The following SCARB2 variants were observed in gnomAD, a reference collection of about 807,000 sequenced individuals.
SCARB2 encodes scavenger receptor class B member 2.
Under a neutral mutation model 58.6 loss-of-function variants are expected in SCARB2, and 29 were observed. That is an observed-to-expected ratio of 0.49 (90% CI 0.37 to 0.67). The LOEUF (loss-of-function observed/expected upper bound fraction) is 0.67. SCARB2 is among the 30% of genes least tolerant of loss of function. The pLI is 0.00. For synonymous variants in SCARB2, 195 were observed against 210.1 expected, an observed-to-expected ratio of 0.93 and a Z score of 0.62; for missense variants, 488 against 578.5, an observed-to-expected ratio of 0.84 and a Z score of 1.60.
At chr4:76,180,198 T>TC (rs1732351332) in intron 3 of SCARB2, 1 of 179,434 alleles carries the variant, frequency 5.6e-6, no homozygotes, top group Non-Finnish European at 1.2e-5. Flanking sequence ...TGTAGGTGAA[T>TC]TAGAATGTTT....
intron 2 of SCARB2, among the ~76,000 whole-genome samples, chr4:76,181,700 A>T (rs1002861657): frequency 1.3e-5 from 2 of 151,996 alleles, no homozygotes; most frequent in African/African-American, 4.8e-5. Flanking sequence ...AAGTAGCTAG[A>T]AGTACAGAAG....
intron 1 of SCARB2, among the ~76,000 whole-genome samples, chr4:76,204,628 A>T (rs1180649107): frequency 6.6e-6 from 1 of 152,172 alleles, no homozygotes; most frequent in East Asian, 1.9e-4. Context: ...ACCAGGTGAA[A>T]ATTGGGAGCG....
At chr4:76,223,295 G>A (rs1427925092) in intron 1 of SCARB2, among the ~76,000 whole-genome samples, 2 of 152,162 alleles carry the variant, frequency 1.3e-5, no homozygotes, top group African/African-American at 4.8e-5. Flanking sequence ...TTGGGAGACA[G>A]AATTGTCTCC....
intron 1 of SCARB2, among the ~76,000 whole-genome samples, chr4:76,219,388 G>A (rs1461185131): frequency 1.3e-5 from 2 of 152,204 alleles, no homozygotes; most frequent in Admixed American, 6.5e-5. Flanking sequence ...CTCACTTGAG[G>A]TACTTTGATG....
intron 7 of SCARB2, among the ~76,000 whole-genome samples, chr4:76,171,714 G>C (rs909496270): frequency 6.6e-6 from 1 of 152,028 alleles, no homozygotes; most frequent in Non-Finnish European, 1.5e-5. Flanking sequence ...ACCAGATGAG[G>C]GGGCAGGGAC....
Position 76,221,715 on chromosome 4 carries a change from C to G in SCARB2, c.-358+12588G>C, listed in dbSNP as rs1297140047. ...TAAAGAGCTAAGCATCAAACACACA[C>G]GGACACAAAGATGGGAACAATTGAC... On this transcript the variant is annotated intron_variant, in intron 1 of 11. Transcript: ENST00000638295. Among the ~76,000 whole-genome samples the G allele has an allele frequency of 2.0e-5, 3 of 152,154 alleles. No individual in the cohort carries two copies. In the South Asian group the frequency reaches 6.2e-4, roughly 32 times the overall value.
chr4:76,206,445 G>A (rs898226527), intron 1 of SCARB2, among the ~76,000 whole-genome samples: 4 of 152,042 alleles, frequency 2.6e-5, no homozygotes, highest in African/African-American at 9.7e-5. Flanking sequence ...GGACCAATAC[G>A]TGAAGTTTCC....
At chr4:76,214,620 G>A (rs1417626746), upstream of SCARB2, among the ~76,000 whole-genome samples, 1 of 152,222 alleles carries the variant, frequency 6.6e-6, no homozygotes, top group Admixed American at 6.5e-5. Flanking sequence ...CATCGCTGGT[G>A]TTCTTGCCTG....
At chr4:76,163,154 C>T (rs1731932738) in intron 11 of SCARB2, 71 bp downstream of exon 11, 2 of 1,584,258 alleles carry the variant, frequency 1.3e-6, no homozygotes, top group African/African-American at 1.3e-5. Flanking sequence ...GACAGCCCTT[C>T]AGTGAAGTAC....
At chr4:76,184,941 C>T (rs1732456677) in intron 2 of SCARB2, among the ~76,000 whole-genome samples, 1 of 152,144 alleles carries the variant, frequency 6.6e-6, no homozygotes, top group South Asian at 2.1e-4. Context: ...AGCTGCTTTC[C>T]TTGATTCTGT....
Position 76,169,922 on chromosome 4 carries a change from A to G in SCARB2, c.1058T>C (p.Ile353Thr), listed in dbSNP as rs1483566137. 19 of 1,614,136 alleles carry G rather than the reference A, an allele frequency of 1.2e-5. No homozygotes were observed. Among genetic ancestry groups the G allele is most frequent in the East Asian group, 2.2e-5 (1 of 44,868 alleles). Residue 353 changes from isoleucine (I) to threonine (T), a missense_variant, in exon 8 of 12, where the codon ATA (isoleucine) becomes ACA (threonine). Physicochemically the swap from Ile to Thr is moderately conservative, Grantham distance 89. Transcript: ENST00000264896. Reference protein sequence around the residue: ...YQADERFVSAIEGMHPNQEDH... With the variant: ...YQADERFVSATEGMHPNQEDH... ...TTCCTGATTTGGGTGCATGCCTTCT[A>G]TGGCAGAAACAAACCTCTCATCTGC... is the stretch of plus-strand genomic sequence containing the variant.
intron 7 of SCARB2, among the ~76,000 whole-genome samples, chr4:76,172,200 G>A (rs1431697968): frequency 1.4e-5 from 2 of 147,118 alleles, no homozygotes; most frequent in East Asian, 3.9e-4. Flanking sequence ...TTTGTCAGTT[G>A]TATATATATA....
intron 1 of SCARB2, among the ~76,000 whole-genome samples, chr4:76,210,475 C>T (rs944302399): frequency 2.0e-5 from 3 of 152,224 alleles, no homozygotes; most frequent in Admixed American, 2.0e-4. Flanking sequence ...GTAACGTAAA[C>T]TCCTGCCTTT....
intron 1 of SCARB2, 97 bp from the exon 2 acceptor site, chr4:76,195,961 C>A: frequency 1.3e-6 from 1 of 795,792 alleles, no homozygotes; most frequent in East Asian, 2.6e-5. Flanking sequence ...TTCTGACCTC[C>A]TAGATCACTA....
chr4:76,212,357 C>T (rs2109972853), intron 1 of SCARB2, among the ~76,000 whole-genome samples: 1 of 152,278 alleles, frequency 6.6e-6, no homozygotes, highest in East Asian at 1.9e-4. Flanking sequence ...GAAAAACTGC[C>T]TTTAACTGCC....
Position 76,168,308 on chromosome 4 carries a change from A to C in SCARB2, c.1187+95T>G, listed in dbSNP as rs192412983. 7,182 of 933,366 alleles carry C rather than the reference A, an allele frequency of 7.7e-3. 61 individuals carry two copies. Among genetic ancestry groups the C allele is most frequent in the Non-Finnish European group, 0.01 (5,832 of 560,020 alleles). 57.8% of individuals were successfully genotyped at this position (933,366 alleles called of 1,614,324 possible). A position where few individuals can be genotyped will look rare whatever the true frequency, so the allele number is the denominator to read the frequency against. On this transcript the variant is annotated intron_variant, in intron 9 of 11. Transcript: ENST00000264896. ...CTGAAGGGCAGGGGTGAGCAGGCTT[A>C]GATGAAGTAGGCTGTACTCCTCCTG...
At chr4:76,232,040 A>G (rs1001073248) in intron 1 of SCARB2, among the ~76,000 whole-genome samples, 6 of 152,366 alleles carry the variant, frequency 3.9e-5, no homozygotes, top group African/African-American at 1.4e-4. Flanking sequence ...ATATTGCCAT[A>G]AGTTATGAAT....
At chr4:76,189,552 AG>A (rs1732559052) in intron 2 of SCARB2, among the ~76,000 whole-genome samples, 2 of 152,140 alleles carry the variant, frequency 1.3e-5, no homozygotes, top group African/African-American at 4.8e-5. Context: ...GCGTGATCTC[AG>A]CTCACTGCAA....
intron 6 of SCARB2, 152 bp downstream of exon 6, chr4:76,175,639 T>G: frequency 1.1e-6 from 1 of 905,364 alleles, no homozygotes; most frequent in Non-Finnish European, 1.7e-6. Context: ...ACCAGTACAC[T>G]ATACTGTCTC....
Sources: gnomAD v4.1 joint callset for allele counts (sites outside exome capture counted in the v4.1 genomes callset) on GRCh38, gnomAD v4.1.1 for gene constraint, MANE v1.5 for transcripts, NCBI Gene and HGNC (gene_info 2026-07-23, HGNC 2026-07-21) for gene names.